Variants in PLD5 observed in about 807,000 individuals in gnomAD.
PLD5 encodes phospholipase D family member 5, also known as inactive phospholipase D5.
In PLD5, 36 loss-of-function variants were observed where a neutral mutation model predicts 61.1. The observed-to-expected ratio is 0.59, with a 90% CI of 0.45 to 0.78. The LOEUF (loss-of-function observed/expected upper bound fraction) is 0.78, where lower values mean the gene tolerates loss of function less well. PLD5 is among the 30% of genes least tolerant of loss of function. The pLI, the probability that PLD5 is intolerant of heterozygous loss-of-function variation, is 0.00. For synonymous variants in PLD5, 243 were observed against 242.8 expected (o/e 1.00, Z -0.01); for missense variants, 515 against 644.4 (o/e 0.80, Z 2.17).
At chr1:242,243,550 T>C (rs1672185263) in intron 4 of PLD5, among the ~76,000 whole-genome samples, 1 of 152,116 alleles carries the variant, frequency 6.6e-6, no homozygotes, top group Admixed American at 6.5e-5. Context: ...AGCCAGGAAA[T>C]ATTTATTGAG....
At chr1:242,139,968 T>C (rs1022169857) in intron 5 of PLD5, among the ~76,000 whole-genome samples, 7 of 152,188 alleles carry the variant, frequency 4.6e-5, no homozygotes, top group Non-Finnish European at 8.8e-5. Flanking sequence ...TCTTAGGATC[T>C]CTTGCAACTA....
At chr1:242,220,587 C>CTA (rs1670510458) in intron 4 of PLD5, among the ~76,000 whole-genome samples, 1 of 152,088 alleles carries the variant, frequency 6.6e-6, no homozygotes, top group Admixed American at 6.6e-5. Context: ...ATTATGCTTT[C>CTA]TATACATTTT....
rs1659374180 is a variant in PLD5, at chr1:242,084,664, A to C, written c.*5190T>G. The C allele has an allele frequency of 6.6e-6, 1 of 151,448 alleles. No homozygotes were observed. Among genetic ancestry groups the C allele is most frequent in the Non-Finnish European group, 1.5e-5 (1 of 67,916 alleles). The allele number at this position is 151,448 out of a possible 1,614,324, so 9.4% of individuals were successfully genotyped here. A position where few individuals can be genotyped will look rare whatever the true frequency, so the allele number is the denominator to read the frequency against. ...AGCTCAATATGGGTTTGCTGAGCAG[A>C]CACTAGGTTCTCTAGTGGGGTCTCT... On this transcript the variant is annotated 3_prime_UTR_variant, in exon 10 of 10. Coordinates refer to ENST00000536534, the MANE Select transcript of PLD5 (RefSeq NM_001372062.1).
chr1:242,387,568 T>C (rs562293532), intron 1 of PLD5, among the ~76,000 whole-genome samples: 11 of 152,000 alleles, frequency 7.2e-5, no homozygotes, highest in African/African-American at 2.2e-4. Flanking sequence ...GCTGGTGATA[T>C]GTATATAAGG....
rs1490635618 is a variant in PLD5, at chr1:242,286,234, C to T, written c.495+2128G>A. 3.9e-5 allele frequency among the ~76,000 whole-genome samples: 6 copies of T among 152,122 alleles called. 1 individual carries two copies. The highest frequency in any genetic ancestry group is 1.3e-4 in the Admixed American group (2 of 15,276). ...ATCAAGAGAAGCCCACATGAGAATC[C>T]TCACTCAGATCCAGACCTGATGCAA... On this transcript the variant is annotated intron_variant, in intron 3 of 9. Coordinates refer to ENST00000536534, the MANE Select transcript of PLD5 (RefSeq NM_001372062.1).
upstream of PLD5, among the ~76,000 whole-genome samples, chr1:242,527,800 A>T (rs186243384): frequency 2.6e-5 from 4 of 152,380 alleles, no homozygotes; most frequent in East Asian, 7.7e-4. Flanking sequence ...GAAGATGGCC[A>T]GGTATAATAT....
At chr1:242,345,780 A>G in intron 2 of PLD5, 1 of 561,190 alleles carries the variant, frequency 1.8e-6, no homozygotes. Flanking sequence ...TGGAAACTGG[A>G]TTAGGGTATA....
intron 1 of PLD5, among the ~76,000 whole-genome samples, chr1:242,451,235 G>A (rs916097741): frequency 2.0e-5 from 3 of 152,120 alleles, no homozygotes; most frequent in African/African-American, 7.2e-5. Flanking sequence ...TGTTCTGCAA[G>A]GTGCAGCGTT....
At chr1:242,323,776 C>T (rs1232455439) in intron 2 of PLD5, among the ~76,000 whole-genome samples, 1 of 152,064 alleles carries the variant, frequency 6.6e-6, no homozygotes, top group Non-Finnish European at 1.5e-5. Context: ...TATATTTTTA[C>T]AAGATTTTCA....
At position 242,490,859 on chromosome 1, in the gene PLD5, G is replaced by A. The variant is rs187650062; in HGVS notation, c.189+33229C>T. Among the ~76,000 whole-genome samples, 158 of 134,708 alleles carry A rather than the reference G, an allele frequency of 1.2e-3. 2 individuals carry two copies. Among genetic ancestry groups the A allele is most frequent in the South Asian group, 2.4e-3 (10 of 4,118 alleles). 88.4% of individuals were successfully genotyped at this position (134,708 alleles called of 152,430 possible). A position where few individuals can be genotyped will look rare whatever the true frequency, so the allele number is the denominator to read the frequency against. On this transcript the variant is annotated intron_variant, in intron 1 of 9. Transcript: ENST00000536534. Reference sequence around the variant, plus strand: ...TGGGGTTCCGAAAATTTGGAGGAGCGCCTTAGGTTTTGCATTCCTAATAAA... The same window carrying A: ...TGGGGTTCCGAAAATTTGGAGGAGCACCTTAGGTTTTGCATTCCTAATAAA...
chr1:242,367,899 C>A (rs532347367), intron 1 of PLD5, among the ~76,000 whole-genome samples: 26 of 152,250 alleles, frequency 1.7e-4, no homozygotes, highest in Admixed American at 3.3e-4. Context: ...GAATTATAAA[C>A]CTCAGTGGAT....
chr1:242,355,981 C>T (rs1660731314), intron 1 of PLD5, among the ~76,000 whole-genome samples: 1 of 151,448 alleles, frequency 6.6e-6, no homozygotes, highest in Non-Finnish European at 1.5e-5. Flanking sequence ...TTTGCTTAGA[C>T]TTGCCTTGTG....
chr1:242,484,078 A>G (rs1322920773), intron 1 of PLD5, among the ~76,000 whole-genome samples: 1 of 152,226 alleles, frequency 6.6e-6, no homozygotes, highest in Non-Finnish European at 1.5e-5. Flanking sequence ...AGGGAAATTT[A>G]TAGCACTAAA....
At chr1:242,167,560 A>G (rs1666421158) in intron 5 of PLD5, among the ~76,000 whole-genome samples, 2 of 152,282 alleles carry the variant, frequency 1.3e-5, no homozygotes, top group Non-Finnish European at 2.9e-5. Context: ...TTGGGTGGGG[A>G]CACAGCCAAA....
chr1:242,169,589 C>T (rs1432549203), intron 5 of PLD5, among the ~76,000 whole-genome samples: 2 of 152,132 alleles, frequency 1.3e-5, no homozygotes, highest in Admixed American at 6.6e-5. Flanking sequence ...AACTATTCAC[C>T]CCCCTGCAAA....
At chr1:242,305,251 C>T (rs1227817842) in intron 2 of PLD5, among the ~76,000 whole-genome samples, 1 of 152,204 alleles carries the variant, frequency 6.6e-6, no homozygotes, top group African/African-American at 2.4e-5. Context: ...AAAGTAATCC[C>T]ACTCCTGATT....
At chr1:242,297,130 G>T (rs1219043521) in intron 2 of PLD5, among the ~76,000 whole-genome samples, 1 of 152,036 alleles carries the variant, frequency 6.6e-6, no homozygotes, top group Non-Finnish European at 1.5e-5. Flanking sequence ...CAGATCATGA[G>T]GTCAAGAGAT....
At chr1:242,311,934 T>C (rs112168095) in intron 2 of PLD5, among the ~76,000 whole-genome samples, 1 of 151,352 alleles carries the variant, frequency 6.6e-6, no homozygotes, top group East Asian at 1.9e-4. Flanking sequence ...GACTCATCAA[T>C]GATTTTAAAT....
chr1:242,170,723 G>C (rs941976268), intron 5 of PLD5, among the ~76,000 whole-genome samples: 10 of 152,226 alleles, frequency 6.6e-5, no homozygotes, highest in African/African-American at 2.4e-4. Flanking sequence ...TGACCCGATG[G>C]AGCTGAAAAA....
Sources: gnomAD v4.1 joint callset for allele counts (sites outside exome capture counted in the v4.1 genomes callset) on GRCh38, gnomAD v4.1.1 for gene constraint, MANE v1.5 for transcripts, NCBI Gene and HGNC (gene_info 2026-07-23, HGNC 2026-07-21) for gene names.